The following RABGAP1L variants were observed in gnomAD, a reference collection of about 807,000 sequenced individuals.
RABGAP1L encodes RAB GTPase activating protein 1 like.
RABGAP1L carries 63 observed loss-of-function variants against 137.7 expected under a neutral mutation model. That is an observed-to-expected ratio of 0.46 (90% CI 0.37 to 0.56). The LOEUF (loss-of-function observed/expected upper bound fraction) is 0.56. Ranked by LOEUF, RABGAP1L falls within the 20% of genes least tolerant of loss-of-function variation. The pLI, the probability that RABGAP1L is intolerant of heterozygous loss-of-function variation, is 0.00. For synonymous variants in RABGAP1L, 431 were observed against 433.7 expected, an observed-to-expected ratio of 0.99 and a Z score of 0.08; for missense variants, 1,095 against 1,244.0, an observed-to-expected ratio of 0.88 and a Z score of 1.80.
chr1:174,253,507 A>G (rs961729118), intron 7 of RABGAP1L, among the ~76,000 whole-genome samples: 1 of 152,170 alleles, frequency 6.6e-6, no homozygotes, highest in African/African-American at 2.4e-5. Context: ...AAGGATGTTT[A>G]TTAATAAACT....
At chr1:174,989,248 A>C (rs937132854) in intron 25 of RABGAP1L, among the ~76,000 whole-genome samples, 16 of 152,040 alleles carry the variant, frequency 1.1e-4, no homozygotes, top group Non-Finnish European at 2.1e-4. Context: ...GCTTCTTTTT[A>C]TCTTTAGCTC....
At chr1:174,454,650 C>T (rs1323925754) in intron 13 of RABGAP1L, among the ~76,000 whole-genome samples, 4 of 150,138 alleles carry the variant, frequency 2.7e-5, no homozygotes, top group Admixed American at 6.6e-5. Flanking sequence ...CCCGGGTTCA[C>T]GCCATTCTCC....
At chr1:174,965,114 G>A (rs1669503961) in intron 20 of RABGAP1L, 1 of 632,448 alleles carries the variant, frequency 1.6e-6, no homozygotes, top group Non-Finnish European at 2.7e-6. Flanking sequence ...CATAAGGGGT[G>A]AAACTATGAG....
chr1:174,935,042 G>C (rs1424942768), intron 19 of RABGAP1L: 2 of 152,150 alleles, frequency 1.3e-5, no homozygotes, highest in Non-Finnish European at 2.9e-5. Flanking sequence ...GGATTAGCCA[G>C]GTAGTATGTT....
intron 13 of RABGAP1L, among the ~76,000 whole-genome samples, chr1:174,405,572 C>T (rs994318988): frequency 1.3e-5 from 2 of 152,148 alleles, no homozygotes; most frequent in African/African-American, 4.8e-5. Context: ...TGTATAGTTA[C>T]TAAAAATTTA....
intron 19 of RABGAP1L, among the ~76,000 whole-genome samples, chr1:174,838,933 A>T (rs1286569306): frequency 2.1e-5 from 3 of 141,580 alleles, no homozygotes; most frequent in Non-Finnish European, 3.1e-5. Context: ...AAAAAAAAAA[A>T]AAAAAAAAAA....
chr1:174,544,181 G>GC (rs1300665687), intron 13 of RABGAP1L, among the ~76,000 whole-genome samples: 2 of 152,162 alleles, frequency 1.3e-5, no homozygotes, highest in Admixed American at 6.5e-5. Flanking sequence ...GTAATATCCT[G>GC]CAGAGTGTTT....
intron 18 of RABGAP1L, among the ~76,000 whole-genome samples, chr1:174,775,093 A>G (rs1291285197): frequency 6.6e-6 from 1 of 152,116 alleles, no homozygotes; most frequent in Admixed American, 6.5e-5. Context: ...CACATCTTTC[A>G]ATTCGGAGGA....
At chr1:174,726,901 A>G (rs1682032975) in intron 17 of RABGAP1L, among the ~76,000 whole-genome samples, 1 of 152,188 alleles carries the variant, frequency 6.6e-6, no homozygotes, top group Non-Finnish European at 1.5e-5. Context: ...TAGTACTTAC[A>G]TGAATCACAA....
chr1:174,586,475 C>A (rs546787824), intron 13 of RABGAP1L, among the ~76,000 whole-genome samples: 1 of 152,020 alleles, frequency 6.6e-6, no homozygotes, highest in African/African-American at 2.4e-5. Flanking sequence ...TTAAGTGCAG[C>A]AAACCACCAT....
chr1:174,185,934 G>A (rs966349396), intron 1 of RABGAP1L, among the ~76,000 whole-genome samples: 2 of 152,008 alleles, frequency 1.3e-5, no homozygotes, highest in African/African-American at 2.4e-5. Context: ...ACCTAAGGTC[G>A]GGAGTTCGCG....
chr1:174,963,735 C>G (rs575261958), intron 20 of RABGAP1L, among the ~76,000 whole-genome samples: 1 of 152,064 alleles, frequency 6.6e-6, no homozygotes, highest in East Asian at 1.9e-4. Context: ...GGAACACAAC[C>G]ACACCTGTTT....
At chr1:174,767,396 A>G (rs1297457097) in intron 18 of RABGAP1L, among the ~76,000 whole-genome samples, 1 of 152,202 alleles carries the variant, frequency 6.6e-6, no homozygotes, top group Non-Finnish European at 1.5e-5. Flanking sequence ...TAGCATACAA[A>G]AGTCTTAAAG....
At chr1:174,818,318 G>A (rs1327707694) in intron 19 of RABGAP1L, among the ~76,000 whole-genome samples, 1 of 152,198 alleles carries the variant, frequency 6.6e-6, no homozygotes, top group African/African-American at 2.4e-5. Context: ...AAAGGTGTTT[G>A]TTTTCAAGAA....
intron 13 of RABGAP1L, among the ~76,000 whole-genome samples, chr1:174,495,805 A>T (rs1419650627): frequency 6.6e-6 from 1 of 152,172 alleles, no homozygotes; most frequent in Non-Finnish European, 1.5e-5. Flanking sequence ...CTGCGGTGAA[A>T]ATCCCTAGCC....
chr1:174,826,447 C>A (rs942391382), intron 19 of RABGAP1L, among the ~76,000 whole-genome samples: 3 of 152,140 alleles, frequency 2.0e-5, no homozygotes, highest in Admixed American at 2.0e-4. Flanking sequence ...CTCTTGAACT[C>A]CTGACCTCAG....
chr1:174,655,233 A>G (rs1055691067), intron 14 of RABGAP1L, among the ~76,000 whole-genome samples: 1 of 152,188 alleles, frequency 6.6e-6, no homozygotes, highest in Non-Finnish European at 1.5e-5. Flanking sequence ...CTAATCATCC[A>G]AATGTTCTTG....
chr1:174,264,810 T>C (rs545243350), intron 7 of RABGAP1L, among the ~76,000 whole-genome samples: 1 of 150,842 alleles, frequency 6.6e-6, no homozygotes, highest in South Asian at 2.1e-4. Flanking sequence ...GGAAAAAATA[T>C]AGACTGTAGA....
intron 12 of RABGAP1L, among the ~76,000 whole-genome samples, chr1:174,389,353 C>T (rs947596729): frequency 6.6e-6 from 1 of 151,710 alleles, no homozygotes; most frequent in African/African-American, 2.4e-5. Context: ...TCATAGCCAC[C>T]TACTTCCACC....
Sources: allele counts gnomAD v4.1 joint callset (sites outside exome capture counted in the v4.1 genomes callset), GRCh38; gene constraint gnomAD v4.1.1; transcripts MANE v1.5; gene names NCBI Gene and HGNC (gene_info 2026-07-23, HGNC 2026-07-21).